TMPRSS4: variants seen among roughly 807,000 people sequenced by gnomAD.
TMPRSS4 encodes the protein transmembrane serine protease 4.
In TMPRSS4, 45 loss-of-function variants were observed where a neutral mutation model predicts 56.4. The observed-to-expected ratio is 0.80, with a 90% CI of 0.63 to 1.02. The LOEUF is 1.02. TMPRSS4 is among the 50% of genes least tolerant of loss of function. TMPRSS4 has a pLI of 0.00. For synonymous variants in TMPRSS4, 205 were observed against 211.0 expected, an observed-to-expected ratio of 0.97 and a Z score of 0.25; for missense variants, 546 against 556.7, an observed-to-expected ratio of 0.98 and a Z score of 0.19.
intron 11 of TMPRSS4, 113 bp downstream of exon 11, chr11:118,115,393 C>A: frequency 7.6e-7 from 1 of 1,315,050 alleles, no homozygotes; most frequent in Non-Finnish European, 1.0e-6. Context: ...CATGGGCACT[C>A]AATGTGTGAT....
chr11:118,102,679 A>G (rs927256129), intron 3 of TMPRSS4, among the ~76,000 whole-genome samples: 3 of 152,214 alleles, frequency 2.0e-5, no homozygotes, highest in African/African-American at 7.2e-5. Context: ...ACTGCACTCC[A>G]GCCTGGATGA....
chr11:118,094,676 C>A, intron 1 of TMPRSS4, 140 bp from the exon 2 acceptor site: 1 of 696,844 alleles, frequency 1.4e-6, no homozygotes, highest in Non-Finnish European at 2.6e-6. Flanking sequence ...CCTGTTGAAC[C>A]AGGTATTTGG....
chr11:118,117,195 G>A (rs1947607397), intron 11 of TMPRSS4, 110 bp from the exon 12 acceptor site: 3 of 1,072,318 alleles, frequency 2.8e-6, no homozygotes, highest in Non-Finnish European at 4.2e-6. Context: ...GAATATCGGA[G>A]AGCAGCAGGG....
At chr11:118,110,593 G>A (rs1389374402) in intron 7 of TMPRSS4, among the ~76,000 whole-genome samples, 1 of 152,074 alleles carries the variant, frequency 6.6e-6, no homozygotes, top group Non-Finnish European at 1.5e-5. Flanking sequence ...GGCTAGTCTC[G>A]AACTCCTGAC....
At chr11:118,106,852 A>C (rs1484586472) in intron 5 of TMPRSS4, 1 of 152,292 alleles carries the variant, frequency 6.6e-6, no homozygotes, top group Non-Finnish European at 1.5e-5. Flanking sequence ...TGACCTGCCC[A>C]AGGCCACACA....
downstream of TMPRSS4, among the ~76,000 whole-genome samples, chr11:118,125,104 C>T (rs1213711160): frequency 5.3e-5 from 8 of 152,232 alleles, no homozygotes; most frequent in African/African-American, 1.7e-4. Flanking sequence ...GCATGCACCA[C>T]GGTGACAGCC....
chr11:118,113,098 C>A (rs1947361283), intron 8 of TMPRSS4, among the ~76,000 whole-genome samples, 171 bp from the exon 9 acceptor site: 3 of 152,004 alleles, frequency 2.0e-5, no homozygotes, highest in Admixed American at 2.0e-4. Flanking sequence ...AATTTGACTT[C>A]TTGTAAGTGC....
chr11:118,107,845 G>T lies in TMPRSS4; in HGVS notation c.512G>T (p.Ser171Ile). 1 of 1,614,162 alleles carries T rather than the reference G, an allele frequency of 6.2e-7. No individual in the cohort carries two copies. The highest frequency in any genetic ancestry group is 1.7e-4 in the Middle Eastern group (1 of 6,048). ...GATGTTGTTGAAATCACAGAAAACA[G>T]CCAGGAGCTTCGCATGCGGAACTCA... ...DLDVVEITEN[S>I]QELRMRNSSG... Residue 171 changes from serine (S) to isoleucine (I), a missense_variant, in exon 6 of 13, where the codon AGC (serine) becomes ATC (isoleucine). Physicochemically the swap from Ser to Ile is moderately radical, Grantham distance 142. Transcript: ENST00000437212.
chr11:118,094,738 A>G, intron 1 of TMPRSS4, 78 bp from the exon 2 acceptor site: 2 of 1,343,470 alleles, frequency 1.5e-6, no homozygotes, highest in Non-Finnish European at 2.1e-6. Flanking sequence ...TGTAGACAAG[A>G]CCCAAGAACC....
chr11:118,096,852 A>G (rs199545214), intron 2 of TMPRSS4, among the ~76,000 whole-genome samples: 5,607 of 26,710 alleles, frequency 0.21, 1,732 homozygotes, highest in African/African-American at 0.25. Context: ...AGAAGGAAAG[A>G]AAGAAAGAAA....
In TMPRSS4 at chr11:118,119,118, C is replaced by T; in HGVS notation, c.*1205C>T. Reference sequence around the variant, plus strand: ...AGGAAACAACAGAATTCCTCAAATGCCAAAAACAAAGAAAATAGAAACCCA... The same window carrying T: ...AGGAAACAACAGAATTCCTCAAATGTCAAAAACAAAGAAAATAGAAACCCA... On this transcript the variant is annotated 3_prime_UTR_variant, in exon 13 of 13. Transcript: ENST00000437212. 1 of 985,246 alleles carries T rather than the reference C, an allele frequency of 1.0e-6. No homozygotes were observed. Among genetic ancestry groups the T allele is most frequent in the Non-Finnish European group, 1.2e-6 (1 of 829,914 alleles). 61.0% of individuals were successfully genotyped at this position (985,246 alleles called of 1,614,324 possible).
In TMPRSS4 at chr11:118,095,021, G is replaced by T. The variant is rs914910448; in HGVS notation, c.43+166G>T. The T allele has an allele frequency of 4.3e-5, 32 of 741,538 alleles. No homozygotes were observed. In the South Asian group the frequency reaches 4.9e-4, roughly 11 times the overall value. The allele number at this position is 741,538 out of a possible 1,614,324, so 45.9% of individuals were successfully genotyped here. ...ATCCATCACTCAGCAAACATTCCAGGATTCATTCCAGAAGTAGGAGGCCTG... is the reference window on the plus strand; with the variant it reads ...ATCCATCACTCAGCAAACATTCCAGTATTCATTCCAGAAGTAGGAGGCCTG... On this transcript the variant is annotated intron_variant, in intron 2 of 12. Coordinates refer to ENST00000437212, the MANE Select transcript of TMPRSS4 (RefSeq NM_019894.4).
At chr11:118,090,614 GA>G (rs11369045) in intron 1 of TMPRSS4, among the ~76,000 whole-genome samples, 12 of 138,412 alleles carry the variant, frequency 8.7e-5, no homozygotes, top group Middle Eastern at 3.7e-3. Flanking sequence ...TCATCTCTAC[GA>G]AAAAAAAAAA....
intron 7 of TMPRSS4, among the ~76,000 whole-genome samples, chr11:118,111,119 T>C (rs1280908911): frequency 6.6e-6 from 1 of 152,278 alleles, no homozygotes; most frequent in Non-Finnish European, 1.5e-5. Flanking sequence ...CATCTGTGCA[T>C]GGCTCCACAA....
downstream of TMPRSS4, chr11:118,125,306 T>G (rs1314108837): frequency 4.4e-6 from 2 of 456,586 alleles, no homozygotes; most frequent in Non-Finnish European, 8.8e-6. Flanking sequence ...ATAGAACTAT[T>G]CAGAGAAGCT....
chr11:118,098,763 A>G (rs937528772), intron 2 of TMPRSS4, among the ~76,000 whole-genome samples: 2 of 152,164 alleles, frequency 1.3e-5, no homozygotes, highest in African/African-American at 4.8e-5. Flanking sequence ...TTTGAGCGGC[A>G]CTCAGGAAAG....
Position 118,103,063 on chromosome 11 carries a change from C to T in TMPRSS4, c.158-38C>T, listed in dbSNP as rs781706927. ...AGCGTCTCCCTGCTCAAGCCTGACC[C>T]TCAGCCCTCTCTGCCTCTCCCTGCA... is the stretch of plus-strand genomic sequence containing the variant. On this transcript the variant is annotated intron_variant, in intron 3 of 12. Coordinates refer to ENST00000437212, the MANE Select transcript of TMPRSS4 (RefSeq NM_019894.4). 5 of 1,611,012 alleles carry T rather than the reference C, an allele frequency of 3.1e-6. No individual in the cohort carries two copies. The South Asian group carries it at 5.5e-5, about 18-fold the overall frequency.
intron 1 of TMPRSS4, among the ~76,000 whole-genome samples, chr11:118,081,100 T>C (rs573260113): frequency 1.6e-4 from 25 of 152,200 alleles, no homozygotes; most frequent in African/African-American, 6.0e-4. Flanking sequence ...ACTTAGTAAA[T>C]GTGAATGAAT....
At chr11:118,116,676 C>T (rs603678) in intron 11 of TMPRSS4, among the ~76,000 whole-genome samples, 143,463 of 150,252 alleles carry the variant, frequency 0.95, 68,509 homozygotes, top group East Asian at 0.98. Context: ...AGTGATTACA[C>T]AAATTTTGGA....
Sources: gnomAD v4.1 joint callset for allele counts (sites outside exome capture counted in the v4.1 genomes callset) on GRCh38, gnomAD v4.1.1 for gene constraint, MANE v1.5 for transcripts, NCBI Gene and HGNC (gene_info 2026-07-23, HGNC 2026-07-21) for gene names.